The following NDUFV2 variants were observed in gnomAD, a reference collection of about 807,000 sequenced individuals.
NDUFV2 encodes NADH:ubiquinone oxidoreductase core subunit V2.
NDUFV2 carries 18 observed loss-of-function variants against 31.6 expected under a neutral mutation model. The ratio of observed to expected loss-of-function variants is 0.57; its 90% CI spans 0.39 to 0.84. NDUFV2 has a LOEUF of 0.84. Among genes scored for constraint, NDUFV2 ranks in the 40% least tolerant of loss-of-function variants. The probability of loss-of-function intolerance (pLI) is 0.00; values close to 1 mark genes in which losing one functional copy is unlikely to be tolerated. For missense variants in NDUFV2, 314 were observed against 303.6 expected (o/e 1.03, Z -0.26); for synonymous variants, 83 against 99.8 (o/e 0.83, Z 1.01).
intron 1 of NDUFV2, among the ~76,000 whole-genome samples, chr18:9,112,040 A>G (rs545438352): frequency 1.7e-4 from 18 of 107,082 alleles, no homozygotes; most frequent in East Asian, 5.8e-4. Flanking sequence ...TTTTTTTGAT[A>G]GAGAATCTCG....
rs2077897579 is a variant in NDUFV2 at position 9,116,323 on chromosome 18, A to G, written c.55-1515A>G. ...ATGTTAGTGTTCAGAAATTAGGAGA[A>G]GACTGAATACTTTCCCTACTCTTAA... On this transcript the variant is annotated intron_variant, in intron 1 of 7. Coordinates refer to ENST00000318388, the MANE Select transcript of NDUFV2 (RefSeq NM_021074.5). Among the ~76,000 whole-genome samples the G allele has an allele frequency of 2.0e-5, 3 of 149,578 alleles. No homozygotes were observed. The South Asian group carries it at 6.5e-4, about 32-fold the overall frequency.
intron 6 of NDUFV2, among the ~76,000 whole-genome samples, chr18:9,126,387 T>C (rs1431651169): frequency 6.6e-6 from 1 of 152,202 alleles, no homozygotes; most frequent in African/African-American, 2.4e-5. Context: ...ACAAACAAAC[T>C]TGGGGAGGCT....
chr18:9,103,923 G>T (rs2077827960), intron 1 of NDUFV2: 2 of 458,842 alleles, frequency 4.4e-6, no homozygotes, highest in South Asian at 3.8e-5. Context: ...TCTCATTTTT[G>T]AGGCTGGTAT....
chr18:9,130,421 G>C (rs749411417), intron 7 of NDUFV2, among the ~76,000 whole-genome samples: 1 of 152,128 alleles, frequency 6.6e-6, no homozygotes, highest in African/African-American at 2.4e-5. Context: ...ATTCGTGTCC[G>C]AATCTCTTTT....
chr18:9,127,318 C>G (rs540460070), intron 7 of NDUFV2, among the ~76,000 whole-genome samples: 1 of 152,300 alleles, frequency 6.6e-6, no homozygotes, highest in East Asian at 1.9e-4. Flanking sequence ...TTCCCCTTAT[C>G]TTTTTCTCAG....
rs562209765 is a variant in NDUFV2 at position 9,126,766 on chromosome 18, C to G, written c.580-65C>G. On this transcript the variant is annotated intron_variant, in intron 6 of 7. Coordinates refer to ENST00000318388, the MANE Select transcript of NDUFV2 (RefSeq NM_021074.5). ...CCTGGGCAACATAGTGAGACCTTGT[C>G]TCTATAAATATATCGATATAAAAGA... 8.7e-5 allele frequency: 122 copies of G among 1,406,080 alleles called. No individual in the cohort carries two copies. The South Asian group carries it at 1.1e-3, about 12-fold the overall frequency. The allele number at this position is 1,406,080 out of a possible 1,614,324, so 87.1% of individuals were successfully genotyped here.
At position 9,102,707 on chromosome 18, in the gene NDUFV2, C is replaced by T. The variant is rs574639801; in HGVS notation, c.-37C>T. The T allele has an allele frequency of 1.1e-5, 17 of 1,568,144 alleles. No individual in the cohort carries two copies. Among genetic ancestry groups the T allele is most frequent in the South Asian group, 4.7e-5 (4 of 85,308 alleles). On this transcript the variant is annotated 5_prime_UTR_variant, in exon 1 of 8. Coordinates refer to ENST00000318388, the MANE Select transcript of NDUFV2 (RefSeq NM_021074.5). The stretch of plus-strand genomic sequence containing the variant: ...CCCTGGGCGCGCTCGGGATTCTCGC[C>T]TGGCGCGGCTGGGGAAGGTGAACAG...
intron 4 of NDUFV2, among the ~76,000 whole-genome samples, chr18:9,120,878 T>C (rs1240424934): frequency 6.6e-6 from 1 of 152,134 alleles, no homozygotes; most frequent in Non-Finnish European, 1.5e-5. Flanking sequence ...TTTTTAGTAA[T>C]GGTAAGCCTG....
At chr18:9,124,113 C>T (rs1179794583) in intron 5 of NDUFV2, among the ~76,000 whole-genome samples, 2 of 151,836 alleles carry the variant, frequency 1.3e-5, no homozygotes, top group African/African-American at 4.8e-5. Context: ...GTGATAAGTC[C>T]TCTGAAATTT....
intron 1 of NDUFV2, among the ~76,000 whole-genome samples, chr18:9,109,211 C>A (rs1426188335): frequency 6.6e-6 from 1 of 152,130 alleles, no homozygotes; most frequent in African/African-American, 2.4e-5. Context: ...GACTCTTGCA[C>A]AGGCAAATAG....
chr18:9,122,583 G>C lies in NDUFV2; in HGVS notation c.371G>C (p.Arg124Pro), dbSNP rs377682934. The change falls in exon 5 of 8, where the codon CGA (arginine) becomes CCA (proline). Residue 124 changes from arginine (R) to proline (P), a missense_variant. Transcript: ENST00000318388. ...GCAACTTTTTATACAATGTATAATC[G>C]AAAGCCAGTTGGAAAGTATCACATT... is the stretch of plus-strand genomic sequence containing the variant. ...EVATFYTMYN[R>P]KPVGKYHIQV... The C allele has an allele frequency of 9.2e-5, 149 of 1,613,774 alleles. No homozygotes were observed. Among genetic ancestry groups the C allele is most frequent in the Non-Finnish European group, 1.2e-4 (145 of 1,179,922 alleles).
In NDUFV2 at chr18:9,127,777, A is replaced by G. The variant is rs141276392; in HGVS notation, c.656+870A>G. On this transcript the variant is annotated intron_variant, in intron 7 of 7. Coordinates refer to ENST00000318388, the MANE Select transcript of NDUFV2 (RefSeq NM_021074.5). ...ATGAGCCACTGTGCCCGGCCTAATCATGGTATTTTGAGATACATACTGAGC... is the reference window on the plus strand; with the variant it reads ...ATGAGCCACTGTGCCCGGCCTAATCGTGGTATTTTGAGATACATACTGAGC... Among the ~76,000 whole-genome samples, 16 of 152,264 alleles carry G rather than the reference A, an allele frequency of 1.1e-4. 1 individual carries two copies. Among genetic ancestry groups the G allele is most frequent in the African/African-American group, 3.6e-4 (15 of 41,562 alleles).
chr18:9,124,087 A>T (rs1016748692), intron 5 of NDUFV2, among the ~76,000 whole-genome samples: 11 of 152,210 alleles, frequency 7.2e-5, no homozygotes, highest in Non-Finnish European at 1.3e-4. Flanking sequence ...GCACTGCTGT[A>T]TAACAGTAAA....
chr18:9,109,991 G>A (rs1363404177), intron 1 of NDUFV2, among the ~76,000 whole-genome samples: 1 of 152,098 alleles, frequency 6.6e-6, no homozygotes, highest in Non-Finnish European at 1.5e-5. Flanking sequence ...TTACTTGGTT[G>A]CATGCTTTTC....
At chr18:9,103,981 G>T (rs1191802037) in intron 1 of NDUFV2, 4 of 578,482 alleles carry the variant, frequency 6.9e-6, no homozygotes, top group Non-Finnish European at 1.2e-5. Context: ...GACAGTTCCC[G>T]TTCTTTTGGA....
intron 7 of NDUFV2, among the ~76,000 whole-genome samples, chr18:9,128,694 A>G (rs928438927): frequency 2.0e-5 from 3 of 152,174 alleles, no homozygotes; most frequent in African/African-American, 7.2e-5. Context: ...AAAAAGTACA[A>G]ATTTCATAAT....
intron 6 of NDUFV2, chr18:9,126,571 G>T: frequency 2.3e-6 from 1 of 433,204 alleles, no homozygotes; most frequent in Non-Finnish European, 4.3e-6. Context: ...TGATGCCTTG[G>T]TAACTATCTT....
intron 7 of NDUFV2, among the ~76,000 whole-genome samples, chr18:9,129,205 T>C (rs2078019114): frequency 1.3e-5 from 2 of 152,182 alleles, no homozygotes; most frequent in Non-Finnish European, 2.9e-5. Flanking sequence ...CCTCCCAAAG[T>C]GCTGGGATTA....
In NDUFV2 at chr18:9,119,584, G is replaced by A. The variant is rs1568191295; in HGVS notation, c.294G>A (p.Met98Ile). The change falls in exon 4 of 8, where the codon ATG becomes ATA. Residue 98 changes from methionine (M) to isoleucine (I), a missense_variant. Transcript: ENST00000318388. ...RQNGWLPISA[M>I]NKVAEVLQVP... ...ATGGGTGGTTGCCCATCTCTGCTAT[G>A]AACAAGGTACTGGATTCATTTTTGC... is the stretch of plus-strand genomic sequence containing the variant. The A allele has an allele frequency of 6.2e-7, 1 of 1,611,046 alleles. No individual in the cohort carries two copies.
Sources: gnomAD v4.1 joint callset for allele counts (sites outside exome capture counted in the v4.1 genomes callset) on GRCh38, gnomAD v4.1.1 for gene constraint, MANE v1.5 for transcripts, NCBI Gene and HGNC (gene_info 2026-07-23, HGNC 2026-07-21) for gene names.